SPIC: variants seen among roughly 807,000 people sequenced by gnomAD.
SPIC encodes transcription factor Spi-C.
A neutral mutation model predicts 16.7 loss-of-function variants in SPIC; 9 were observed. The observed-to-expected ratio is 0.54, with a 90% CI of 0.33 to 0.94. SPIC has a LOEUF of 0.94. Ranked by LOEUF, SPIC falls within the 40% of genes least tolerant of loss-of-function variation. SPIC has a pLI of 0.03. For missense variants in SPIC, 241 were observed against 285.8 expected (o/e 0.84, Z 1.13); for synonymous variants, 97 against 102.9 (o/e 0.94, Z 0.35).
intron 1 of SPIC, 88 bp from the exon 2 acceptor site, chr12:101,476,740 T>G (rs1872967482): frequency 4.8e-6 from 2 of 413,202 alleles, no homozygotes; most frequent in African/African-American, 4.1e-5. Context: ...GTAAGGTATT[T>G]TCAGAAAATA....
At chr12:101,481,235 G>A (rs1315497371) in intron 4 of SPIC, among the ~76,000 whole-genome samples, 1 of 151,542 alleles carries the variant, frequency 6.6e-6, no homozygotes, top group Non-Finnish European at 1.5e-5. Context: ...CACCTAGGTT[G>A]GAGTGCAGTG....
At chr12:101,485,032 C>G (rs903821733) in intron 5 of SPIC, among the ~76,000 whole-genome samples, 24 of 151,964 alleles carry the variant, frequency 1.6e-4, no homozygotes, top group Non-Finnish European at 2.4e-4. Context: ...TTTGGTAAGT[C>G]CCTTTCATTT....
intron 5 of SPIC, among the ~76,000 whole-genome samples, chr12:101,483,251 T>G (rs1873266179): frequency 6.6e-6 from 1 of 151,926 alleles, no homozygotes. Context: ...TTTTTGAGCT[T>G]ATGTTGTTAA....
chr12:101,479,717 AT>A, intron 4 of SPIC, 23 bp downstream of exon 4: 1 of 1,547,376 alleles, frequency 6.5e-7, no homozygotes, highest in Non-Finnish European at 8.9e-7. Context: ...CCATCCCTTA[AT>A]AACAGGCAAA....
At chr12:101,480,544 A>G (rs550828824) in intron 4 of SPIC, among the ~76,000 whole-genome samples, 5 of 152,302 alleles carry the variant, frequency 3.3e-5, no homozygotes, top group African/African-American at 1.2e-4. Flanking sequence ...CATCCATTTT[A>G]TCAAGCGGTC....
chr12:101,478,949 C>T (rs1238635418), intron 3 of SPIC, among the ~76,000 whole-genome samples: 5 of 150,182 alleles, frequency 3.3e-5, no homozygotes, highest in Non-Finnish European at 7.5e-5. Flanking sequence ...CCAGCCTGGG[C>T]AACATGGCAA....
At chr12:101,479,223 G>GAAA (rs1873076726) in intron 3 of SPIC, among the ~76,000 whole-genome samples, 4 of 42,460 alleles carry the variant, frequency 9.4e-5, no homozygotes, top group Admixed American at 5.8e-4. Context: ...AAAGAAAGAA[G>GAAA]GAAAGAAAGA....
rs58442228 is a variant in SPIC, at chr12:101,483,086, G to GTTTTT, written c.319+199_319+203dup. Among the ~76,000 whole-genome samples, 47 of 129,074 alleles carry GTTTTT rather than the reference G, an allele frequency of 3.6e-4. 1 individual carries two copies. The highest frequency in any genetic ancestry group is 4.7e-4 in the Non-Finnish European group (29 of 61,678). 84.7% of individuals were successfully genotyped at this position (129,074 alleles called of 152,430 possible). On this transcript the variant is annotated intron_variant, in intron 5 of 5. Transcript: ENST00000551346. ...ATTCATCTTGGGTGAGACTTCCTGTGTTTTTTTTTTTTTTTTTCTGAGACA... is the reference window on the plus strand; with the variant it reads ...ATTCATCTTGGGTGAGACTTCCTGTGTTTTTTTTTTTTTTTTTTTTTTCTGAGACA...
Position 101,486,578 on chromosome 12 carries a change from T to C in SPIC, c.554T>C (p.Ile185Thr), listed in dbSNP as rs1332983629. Residue 185 changes from isoleucine to threonine, a missense_variant, in exon 6 of 6, where the codon ATC becomes ACC. Transcript: ENST00000551346. ...GGAAGAAGTGGGGAAATTACCAAAA[T>C]CCGGAGGAAGCTGACTTACCAGTTC... ...NYGRSGEITKIRRKLTYQFSE... is the reference protein window; with the variant it reads ...NYGRSGEITKTRRKLTYQFSE... 6.2e-7 allele frequency: 1 copy of C among 1,614,046 alleles called. No homozygotes were observed. Among genetic ancestry groups the C allele is most frequent in the East Asian group, 2.2e-5 (1 of 44,880 alleles).
intron 1 of SPIC, 54 bp from the exon 2 acceptor site, chr12:101,476,773 GA>G (rs1872968118): frequency 2.1e-6 from 1 of 469,070 alleles, no homozygotes; most frequent in African/African-American, 2.0e-5. Context: ...ATCTTATTCA[GA>G]ATCAAATTAG....
chr12:101,478,540 G>T (rs182078707), intron 3 of SPIC, among the ~76,000 whole-genome samples: 1 of 152,194 alleles, frequency 6.6e-6, no homozygotes, highest in Non-Finnish European at 1.5e-5. Flanking sequence ...AAAATGCAGA[G>T]AATATAGAGG....
rs199963007 is a variant in SPIC at position 101,479,599 on chromosome 12, G to A, written c.115G>A (p.Ala39Thr). Reference protein sequence around the residue: ...QYSPDYRNYLALINHRPHVKG... With the variant: ...QYSPDYRNYLTLINHRPHVKG... The stretch of plus-strand genomic sequence containing the variant: ...AAAATTAGATTACAGAAATTACCTG[G>A]CTTTAATCAACCATCGTCCTCATGT... Residue 39 changes from alanine to threonine, a missense_variant, in exon 4 of 6, where the codon GCT (alanine) becomes ACT (threonine). Coordinates refer to ENST00000551346, the MANE Select transcript of SPIC (RefSeq NM_152323.3). 63 of 1,612,486 alleles carry A rather than the reference G, an allele frequency of 3.9e-5. 1 individual carries two copies. Among genetic ancestry groups the A allele is most frequent in the Admixed American group, 2.2e-4 (13 of 59,756 alleles).
chr12:101,482,673 A>G, intron 4 of SPIC, 119 bp from the exon 5 acceptor site: 1 of 889,058 alleles, frequency 1.1e-6, no homozygotes, highest in Non-Finnish European at 1.8e-6. Context: ...AGTTGGGGGT[A>G]ATTCCTTTTG....
intron 5 of SPIC, among the ~76,000 whole-genome samples, chr12:101,484,424 T>C (rs1873301231): frequency 6.6e-6 from 1 of 151,292 alleles, no homozygotes; most frequent in Non-Finnish European, 1.5e-5. Context: ...TAATCCCAGC[T>C]ACTGGGGAGG....
At chr12:101,483,152 G>T (rs1338231668) in intron 5 of SPIC, among the ~76,000 whole-genome samples, 1 of 147,182 alleles carries the variant, frequency 6.8e-6, no homozygotes, top group East Asian at 1.9e-4. Context: ...GAAACTCCTG[G>T]ACTCAAGCCA....
At chr12:101,479,216 G>A (rs1423213896) in intron 3 of SPIC, among the ~76,000 whole-genome samples, 6 of 116,544 alleles carry the variant, frequency 5.1e-5, no homozygotes, top group Non-Finnish European at 7.4e-5. Context: ...AAGAAAGAAA[G>A]AAAGAAGGAA....
chr12:101,486,655 A>T lies in SPIC; in HGVS notation c.631A>T (p.Ile211Phe). The T allele has an allele frequency of 1.2e-6, 2 of 1,613,980 alleles. No homozygotes were observed. The highest frequency in any genetic ancestry group is 1.7e-6 in the Non-Finnish European group (2 of 1,179,872). Reference sequence around the variant, plus strand: ...TCCATCCTATTTCCTGGGGAAAGAGATCTTCTATTCACAGTGTGTTCAACC... The same window carrying T: ...TCCATCCTATTTCCTGGGGAAAGAGTTCTTCTATTCACAGTGTGTTCAACC... ...LSPSYFLGKE[I>F]FYSQCVQPDQ... is the part of the protein sequence containing the mutation. Residue 211 changes from isoleucine (I) to phenylalanine (F), a missense_variant, in exon 6 of 6, where the codon ATC (isoleucine) becomes TTC (phenylalanine). Ile to Phe is a conservative substitution (Grantham distance 21). Coordinates refer to ENST00000551346, the MANE Select transcript of SPIC (RefSeq NM_152323.3).
chr12:101,480,443 A>G (rs1873152479), intron 4 of SPIC, among the ~76,000 whole-genome samples: 1 of 152,160 alleles, frequency 6.6e-6, no homozygotes, highest in African/African-American at 2.4e-5. Context: ...TATTGGACCA[A>G]TTCATTGATA....
intron 3 of SPIC, among the ~76,000 whole-genome samples, chr12:101,479,237 AAAGAAAAAGAAAGAAAG>A (rs1873082432): frequency 9.1e-6 from 1 of 110,080 alleles, no homozygotes; most frequent in African/African-American, 3.6e-5. Context: ...AGAAAGAAAG[AAAGAAAAAGAAAGAAAG>A]AAGGAAGGAA....
Sources: gnomAD v4.1 joint callset for allele counts (sites outside exome capture counted in the v4.1 genomes callset) on GRCh38, gnomAD v4.1.1 for gene constraint, MANE v1.5 for transcripts, NCBI Gene and HGNC (gene_info 2026-07-23, HGNC 2026-07-21) for gene names.